The following LRRC3C variants were observed in gnomAD, a reference collection of about 807,000 sequenced individuals.
LRRC3C encodes leucine rich repeat containing 3C.
Under a neutral mutation model 14.8 loss-of-function variants are expected in LRRC3C, and 11 were observed. The observed-to-expected ratio is 0.74, with a 90% CI of 0.47 to 1.23. The LOEUF (loss-of-function observed/expected upper bound fraction) is 1.23. Ranked by LOEUF, LRRC3C falls within the 50% of genes most tolerant of loss-of-function variation. The pLI is 0.00. For synonymous variants in LRRC3C, 149 were observed against 161.5 expected (o/e 0.92, Z 0.59); for missense variants, 354 against 361.8 (o/e 0.98, Z 0.18).
intron 2 of LRRC3C, among the ~76,000 whole-genome samples, chr17:39,940,396 G>A (rs1179123212): frequency 6.6e-6 from 1 of 152,048 alleles, no homozygotes. Flanking sequence ...TGCTGCTGTC[G>A]TCATCTTAAA....
At position 39,944,783 on chromosome 17, in the gene LRRC3C, C is replaced by T. The variant is rs1233386701; in HGVS notation, c.*49C>T. On this transcript the variant is annotated 3_prime_UTR_variant, in exon 4 of 4. Transcript: ENST00000377924. ...ACACCCCACACTCCTGCCCCTATGC[C>T]CTCTCCTTTGCTCTGACCCCCTCTG... The T allele has an allele frequency of 9.9e-6, 15 of 1,508,722 alleles. No individual in the cohort carries two copies. The African/African-American group carries it at 1.4e-4, about 14-fold the overall frequency. 93.5% of individuals were successfully genotyped at this position (1,508,722 alleles called of 1,614,324 possible). A position where few individuals can be genotyped will look rare whatever the true frequency, so the allele number is the denominator to read the frequency against.
In LRRC3C at chr17:39,944,125, G is replaced by A; in HGVS notation, c.219G>A (p.Val73=). The change falls in exon 4 of 4, where the codon GTG becomes GTA. Residue 73 remains valine, a synonymous_variant. Coordinates refer to ENST00000377924, the MANE Select transcript of LRRC3C (RefSeq NM_001195545.2). ...GCAGCCAGGCAGGCCTCAGTGCTGT[G>A]CCCTCCGGCATCCCCAATGACACCC... ...FRCSQAGLSA[V]PSGIPNDTRK... 6.5e-7 allele frequency: 1 copy of A among 1,536,176 alleles called. No homozygotes were observed. Among genetic ancestry groups the A allele is most frequent in the East Asian group, 2.4e-5 (1 of 40,902 alleles).
At chr17:39,930,482 C>T (rs947992043) in intron 1 of LRRC3C, among the ~76,000 whole-genome samples, 7 of 143,290 alleles carry the variant, frequency 4.9e-5, no homozygotes, top group Non-Finnish European at 9.0e-5. Context: ...CCAAGGTAGG[C>T]GGATCACCTG....
chr17:39,933,088 AC>A (rs1269192730), intron 1 of LRRC3C, among the ~76,000 whole-genome samples: 3 of 151,920 alleles, frequency 2.0e-5, no homozygotes, highest in African/African-American at 7.3e-5. Context: ...AGGAAGAAAG[AC>A]AACAACAAAA....
At chr17:39,937,264 C>T (rs1162298412) in intron 2 of LRRC3C, among the ~76,000 whole-genome samples, 1 of 151,654 alleles carries the variant, frequency 6.6e-6, no homozygotes, top group Non-Finnish European at 1.5e-5. Context: ...GGTGAAACCC[C>T]GTATCTACTG....
chr17:39,944,204 C>G lies in LRRC3C; in HGVS notation c.298C>G (p.Gln100Glu), dbSNP rs1267034876. 1.3e-6 allele frequency: 2 copies of G among 1,535,966 alleles called. No individual in the cohort carries two copies. Among genetic ancestry groups the G allele is most frequent in the East Asian group, 4.9e-5 (2 of 40,926 alleles). Residue 100 changes from glutamine (Q) to glutamate (E), a missense_variant, in exon 4 of 4, where the codon CAG becomes GAG. Physicochemically the swap from Gln to Glu is conservative, Grantham distance 29 (BLOSUM62 2). Transcript: ENST00000377924. The part of the protein sequence containing the change: ...QLASVPAGAF[Q>E]HLPVLEELDL... ...GGCATCGGTGCCTGCTGGTGCCTTC[C>G]AGCACCTGCCTGTCCTGGAGGAGTT...
rs149734401 is a variant in LRRC3C, at chr17:39,944,887, T to TTCTC, written c.*167_*170dup. The stretch of plus-strand genomic sequence containing the variant: ...TATTCCCCCTAAATACCTGTGCTGG[T>TTCTC]TCTCTCTCTCTCTCTCTGTGTCGTC... On this transcript the variant is annotated 3_prime_UTR_variant, in exon 4 of 4. Coordinates refer to ENST00000377924, the MANE Select transcript of LRRC3C (RefSeq NM_001195545.2). 2 of 641,928 alleles carry TTCTC rather than the reference T, an allele frequency of 3.1e-6. No individual in the cohort carries two copies. Among genetic ancestry groups the TTCTC allele is most frequent in the South Asian group, 2.1e-5 (1 of 48,654 alleles). The allele number at this position is 641,928 out of a possible 1,614,324, so 39.8% of individuals were successfully genotyped here. A position where few individuals can be genotyped will look rare whatever the true frequency, so the allele number is the denominator to read the frequency against.
chr17:39,930,527 G>C (rs998658263), intron 1 of LRRC3C, among the ~76,000 whole-genome samples: 2 of 150,096 alleles, frequency 1.3e-5, no homozygotes, highest in African/African-American at 4.9e-5. Context: ...GGCCAACGTG[G>C]TGAAACTCCG....
chr17:39,930,523 C>G (rs563324100), intron 1 of LRRC3C, among the ~76,000 whole-genome samples: 1 of 148,224 alleles, frequency 6.7e-6, no homozygotes, highest in Non-Finnish European at 1.5e-5. Context: ...GCCTGGCCAA[C>G]GTGGTGAAAC....
chr17:39,928,905 C>T (rs1428936485), intron 1 of LRRC3C, among the ~76,000 whole-genome samples: 1 of 152,188 alleles, frequency 6.6e-6, no homozygotes, highest in Non-Finnish European at 1.5e-5. Flanking sequence ...GTATTTGAAC[C>T]ACCCAGAGCA....
Position 39,943,934 on chromosome 17 carries a change from T to A in LRRC3C, c.28T>A (p.Ser10Thr). The stretch of plus-strand genomic sequence containing the variant: ...TTTATGTGGCCTTTCCTTCCCCAGA[T>A]CCTACTGCACTCCAGGACTATGCCA... MRMTSSSFV[S>T]YCTPGLCQFM... is the part of the protein sequence containing the mutation. Residue 10 changes from serine to threonine, a missense_variant and splice_region_variant, in exon 4 of 4, where the codon TCC becomes ACC. Transcript: ENST00000377924. The A allele has an allele frequency of 6.5e-7, 1 of 1,535,970 alleles. No homozygotes were observed. The highest frequency in any genetic ancestry group is 8.7e-7 in the Non-Finnish European group (1 of 1,146,844).
At chr17:39,942,458 A>G (rs1469362973) in intron 3 of LRRC3C, among the ~76,000 whole-genome samples, 1 of 152,142 alleles carries the variant, frequency 6.6e-6, no homozygotes, top group Admixed American at 6.5e-5. Context: ...CAAAGTGCCA[A>G]CCTGAGAGTC....
At chr17:39,927,960 C>G in intron 1 of LRRC3C, 146 bp downstream of exon 1, 1 of 747,214 alleles carries the variant, frequency 1.3e-6, no homozygotes, top group Non-Finnish European at 1.6e-6. Context: ...CCCAAATATT[C>G]TGACCCCAAC....
chr17:39,936,375 T>A (rs373211791), intron 2 of LRRC3C, among the ~76,000 whole-genome samples: 7 of 152,226 alleles, frequency 4.6e-5, no homozygotes, highest in Admixed American at 6.5e-5. Context: ...TGATGGCTTT[T>A]CCAGACCCAT....
intron 2 of LRRC3C, 36 bp from the exon 3 acceptor site, chr17:39,941,407 C>A: frequency 3.2e-6 from 2 of 622,968 alleles, no homozygotes; most frequent in Non-Finnish European, 2.7e-6. Context: ...AACAAGGGAC[C>A]CCCCCACACA....
intron 1 of LRRC3C, among the ~76,000 whole-genome samples, chr17:39,934,227 A>G (rs1978736333): frequency 6.6e-6 from 1 of 152,220 alleles, no homozygotes; most frequent in Non-Finnish European, 1.5e-5. Flanking sequence ...GCAGGGAGGT[A>G]CCTTAGGAAC....
intron 3 of LRRC3C, among the ~76,000 whole-genome samples, chr17:39,942,040 A>G (rs1325065049): frequency 2.0e-5 from 3 of 152,316 alleles, no homozygotes; most frequent in East Asian, 3.9e-4. Flanking sequence ...GGTCATCCAC[A>G]TGGATCACAT....
intron 1 of LRRC3C, among the ~76,000 whole-genome samples, chr17:39,933,589 C>A (rs553755550): frequency 1.1e-4 from 16 of 152,052 alleles, no homozygotes; most frequent in Non-Finnish European, 1.6e-4. Context: ...AAAAATTAGC[C>A]GGGCGTGGTG....
chr17:39,940,779 T>A (rs1390014654), intron 2 of LRRC3C, among the ~76,000 whole-genome samples: 1 of 152,052 alleles, frequency 6.6e-6, no homozygotes, highest in Admixed American at 6.6e-5. Flanking sequence ...TCTTAATGCG[T>A]CACCTAGGCT....
Sources: gnomAD v4.1 joint callset for allele counts (sites outside exome capture counted in the v4.1 genomes callset) on GRCh38, gnomAD v4.1.1 for gene constraint, MANE v1.5 for transcripts, NCBI Gene and HGNC (gene_info 2026-07-23, HGNC 2026-07-21) for gene names.